The following EIF2B2 variants were observed in gnomAD, a reference collection of about 807,000 sequenced individuals.
The protein encoded by EIF2B2 is translation initiation factor eIF2B subunit beta.
Under a neutral mutation model 34.7 loss-of-function variants are expected in EIF2B2, and 34 were observed. The ratio of observed to expected loss-of-function variants is 0.98; its 90% CI spans 0.75 to 1.31. The LOEUF (loss-of-function observed/expected upper bound fraction) is 1.31. EIF2B2 is among the 50% of genes most tolerant of loss of function. The pLI, the probability that EIF2B2 is intolerant of heterozygous loss-of-function variation, is 0.00. For synonymous variants in EIF2B2, 155 were observed against 171.6 expected (o/e 0.90, Z 0.76); for missense variants, 361 against 447.7 (o/e 0.81, Z 1.75).
In EIF2B2 at chr14:75,006,402, TG is replaced by T; in HGVS notation, c.694-173del. The T allele has an allele frequency of 1.1e-6, 1 of 883,292 alleles. No individual in the cohort carries two copies. Among genetic ancestry groups the T allele is most frequent in the Non-Finnish European group, 1.7e-6 (1 of 584,596 alleles). The allele number at this position is 883,292 out of a possible 1,614,324, so 54.7% of individuals were successfully genotyped here. A position where few individuals can be genotyped will look rare whatever the true frequency, so the allele number is the denominator to read the frequency against. Reference sequence around the variant, plus strand: ...TCCCATTTTACATTCATTCTTTCCTTGGAAACCTACTTTTAAGCTAGAACTT... The same window carrying T: ...TCCCATTTTACATTCATTCTTTCCTTGAAACCTACTTTTAAGCTAGAACTT... On this transcript the variant is annotated intron_variant, in intron 5 of 7. Coordinates refer to ENST00000266126, the MANE Select transcript of EIF2B2 (RefSeq NM_014239.4). This position sits in a 1 kb window ranked among gnomAD's most constrained non-coding sequence, Gnocchi z 4.1.
chr14:75,003,521 C>T (rs1242709568), intron 2 of EIF2B2, 30 bp from the exon 3 acceptor site: 5 of 1,614,078 alleles, frequency 3.1e-6, no homozygotes, highest in Admixed American at 1.7e-5. Flanking sequence ...TCCTCCCCAC[C>T]TCTCTCTTTG....
At position 75,009,139 on chromosome 14, in the gene EIF2B2, T is replaced by TCTA; in HGVS notation, c.1009_1011dup (p.Tyr337dup). 1 of 1,614,140 alleles carries TCTA rather than the reference T, an allele frequency of 6.2e-7. No homozygotes were observed. The highest frequency in any genetic ancestry group is 8.5e-7 in the Non-Finnish European group (1 of 1,180,024). On this transcript the variant is annotated inframe_insertion, in exon 8 of 8. Coordinates refer to ENST00000266126, the MANE Select transcript of EIF2B2 (RefSeq NM_014239.4). ...ATTGGTGGGAATGCACCTTCCTACA[T>TCTA]CTACCGCCTGATGAGTGAACTCTAC...
At position 75,003,634 on chromosome 14, in the gene EIF2B2, G is replaced by C. The variant is rs1426578324; in HGVS notation, c.368G>C (p.Ser123Thr). 1.2e-6 allele frequency: 2 copies of C among 1,614,186 alleles called. No homozygotes were observed. The highest frequency in any genetic ancestry group is 1.7e-5 in the Admixed American group (1 of 60,020). Residue 123 changes from serine (S) to threonine (T), a missense_variant, in exon 3 of 8, where the codon AGC becomes ACC. By Grantham distance (58) the Ser-to-Thr change is moderately conservative (BLOSUM62 1). Coordinates refer to ENST00000266126, the MANE Select transcript of EIF2B2 (RefSeq NM_014239.4). The part of the protein sequence containing the change: ...LTSGGLNEDF[S>T]FHYAQLQSNI... Reference sequence around the variant, plus strand: ...TCCGGAGGCCTAAACGAGGATTTCAGCTTCCATTATGCCCAACTCCAGTCC... The same window carrying C: ...TCCGGAGGCCTAAACGAGGATTTCACCTTCCATTATGCCCAACTCCAGTCC...
chr14:75,003,552 C>G lies in EIF2B2; in HGVS notation c.286C>G (p.Leu96Val). Reference protein sequence around the residue: ...LKIIREEYGRLHGRSDESDQQ... With the variant: ...LKIIREEYGRVHGRSDESDQQ... ...CTTTGGGTCTTGTTGCCTCTATAGA[C>G]TCCATGGACGCAGCGACGAGAGTGA... The change falls in exon 3 of 8, where the codon CTC becomes GTC. Residue 96 changes from leucine (L) to valine (V), a missense_variant and splice_region_variant. By Grantham distance (32) the Leu-to-Val change is conservative. Coordinates refer to ENST00000266126, the MANE Select transcript of EIF2B2 (RefSeq NM_014239.4). 6.2e-7 allele frequency: 1 copy of G among 1,614,170 alleles called. No individual in the cohort carries two copies. The highest frequency in any genetic ancestry group is 8.5e-7 in the Non-Finnish European group (1 of 1,180,032).
rs775335483 is a variant in EIF2B2, at chr14:75,003,537, T to C, written c.285-14T>C. 3 of 1,614,146 alleles carry C rather than the reference T, an allele frequency of 1.9e-6. No individual in the cohort carries two copies. Among genetic ancestry groups the C allele is most frequent in the Admixed American group, 1.7e-5 (1 of 60,008 alleles). On this transcript the variant is annotated splice_polypyrimidine_tract_variant and intron_variant, in intron 2 of 7. Coordinates refer to ENST00000266126, the MANE Select transcript of EIF2B2 (RefSeq NM_014239.4). ...CCTCCCCACCTCTCTCTTTGGGTCT[T>C]GTTGCCTCTATAGACTCCATGGACG...
chr14:75,009,209 C>T lies in EIF2B2; in HGVS notation c.*21C>T. 1 of 1,613,726 alleles carries T rather than the reference C, an allele frequency of 6.2e-7. No individual in the cohort carries two copies. The highest frequency in any genetic ancestry group is 1.1e-5 in the South Asian group (1 of 91,062). ...TATGACCGACCACACGTGTCCTAAG[C>T]AGATTGCTTAGGCAGATACAGAATG... On this transcript the variant is annotated 3_prime_UTR_variant, in exon 8 of 8. Coordinates refer to ENST00000266126, the MANE Select transcript of EIF2B2 (RefSeq NM_014239.4).
chr14:75,006,648 A>G lies in EIF2B2; in HGVS notation c.765A>G (p.Ala255=), dbSNP rs1237802411. 2 of 1,614,068 alleles carry G rather than the reference A, an allele frequency of 1.2e-6. No individual in the cohort carries two copies. Among genetic ancestry groups the G allele is most frequent in the Non-Finnish European group, 1.7e-6 (2 of 1,180,038 alleles). The part of the protein sequence containing the change: ...LRAVTGTHTL[A]LAAKHHSTPL... Reference sequence around the variant, plus strand: ...CTGTGACAGGAACTCACACTCTGGCACTGGCAGCAAAACACCATTCCACCC... The same window carrying G: ...CTGTGACAGGAACTCACACTCTGGCGCTGGCAGCAAAACACCATTCCACCC... The change falls in exon 6 of 8, where the codon GCA becomes GCG. Residue 255 remains alanine, a synonymous_variant. Coordinates refer to ENST00000266126, the MANE Select transcript of EIF2B2 (RefSeq NM_014239.4). This position sits in a 1 kb window ranked among gnomAD's most constrained non-coding sequence, Gnocchi z 4.1.
rs568097024 is a variant in EIF2B2, at chr14:75,012,082, C to T, written c.*2894C>T. 2.0e-5 allele frequency: 3 copies of T among 152,230 alleles called. No homozygotes were observed. Among genetic ancestry groups the T allele is most frequent in the African/African-American group, 7.2e-5 (3 of 41,530 alleles). The allele number at this position is 152,230 out of a possible 1,614,324, so 9.4% of individuals were successfully genotyped here. ...AGTAAACCCTATTAAGGCTCATCTT[C>T]TTATTTCCCCTCTCTCCGTTTCCCT... On this transcript the variant is annotated 3_prime_UTR_variant, in exon 8 of 8. Transcript: ENST00000266126.
intron 4 of EIF2B2, 127 bp from the exon 5 acceptor site, chr14:75,005,739 T>A (rs1315318941): frequency 5.2e-6 from 4 of 774,028 alleles, no homozygotes; most frequent in African/African-American, 5.1e-5. Flanking sequence ...AAAAATGAGT[T>A]ATCTATTGGA....
chr14:75,004,724 AC>A lies in EIF2B2; in HGVS notation c.434-11del, dbSNP rs750034821. 2.8e-5 allele frequency: 24 copies of A among 842,186 alleles called. No individual in the cohort carries two copies. In the East Asian group the frequency reaches 7.5e-4, roughly 26 times the overall value. The allele number at this position is 842,186 out of a possible 1,614,324, so 52.2% of individuals were successfully genotyped here. A position where few individuals can be genotyped will look rare whatever the true frequency, so the allele number is the denominator to read the frequency against. On this transcript the variant is annotated splice_polypyrimidine_tract_variant and intron_variant, in intron 3 of 7. Coordinates refer to ENST00000266126, the MANE Select transcript of EIF2B2 (RefSeq NM_014239.4). The stretch of plus-strand genomic sequence containing the variant: ...TTTTTTTTTTTTTTTTTTTTGCAAA[AC>A]CGTTCTTACAGAAGGGACAATGGAG...
In EIF2B2 at chr14:75,009,214, T is replaced by C; in HGVS notation, c.*26T>C. On this transcript the variant is annotated 3_prime_UTR_variant, in exon 8 of 8. Coordinates refer to ENST00000266126, the MANE Select transcript of EIF2B2 (RefSeq NM_014239.4). ...CCGACCACACGTGTCCTAAGCAGAT[T>C]GCTTAGGCAGATACAGAATGAAGAG... 1 of 1,613,684 alleles carries C rather than the reference T, an allele frequency of 6.2e-7. No individual in the cohort carries two copies. The highest frequency in any genetic ancestry group is 1.3e-5 in the African/African-American group (1 of 75,030).
intron 4 of EIF2B2, 97 bp downstream of exon 4, chr14:75,004,997 C>A: frequency 1.5e-6 from 2 of 1,302,918 alleles, no homozygotes; most frequent in Non-Finnish European, 2.2e-6. Context: ...AATTGATAAG[C>A]AAGACTTTGA....
chr14:75,006,506 C>G lies in EIF2B2; in HGVS notation c.694-71C>G, dbSNP rs1329072838. On this transcript the variant is annotated intron_variant, in intron 5 of 7. Coordinates refer to ENST00000266126, the MANE Select transcript of EIF2B2 (RefSeq NM_014239.4). The surrounding 1 kb of genome is among the most constrained non-coding windows in gnomAD (Gnocchi z 4.1). ...CCAATTCTGAGGTCTAAGCATTTAG[C>G]TTTTTGTGGCCAGTGGCCCTTTTAG... 1 of 1,603,416 alleles carries G rather than the reference C, an allele frequency of 6.2e-7. No homozygotes were observed. Among genetic ancestry groups the G allele is most frequent in the Non-Finnish European group, 8.5e-7 (1 of 1,178,472 alleles).
At chr14:75,004,687 ATATTTTTTTTTTTTTTT>A (rs1889595502) in intron 3 of EIF2B2, 33 bp from the exon 4 acceptor site, 2 of 107,436 alleles carry the variant, frequency 1.9e-5, no homozygotes, top group East Asian at 3.5e-4. Context: ...ATATATATAT[ATATTTTTTTTTTTTTTT>A]TTTTTTTTTT....
rs200594436 is a variant in EIF2B2, at chr14:75,006,608, A to G, written c.725A>G (p.Asn242Ser). ...ATTGGCACGAAGACCATCCTGGCCAATGGGGCCCTGAGAGCTGTGACAGGA... is the reference window on the plus strand; with the variant it reads ...ATTGGCACGAAGACCATCCTGGCCAGTGGGGCCCTGAGAGCTGTGACAGGA... ...VIIGTKTILA[N>S]GALRAVTGTH... The change falls in exon 6 of 8, where the codon AAT (asparagine) becomes AGT (serine). Residue 242 changes from asparagine to serine, a missense_variant. Asn to Ser is a conservative substitution (Grantham distance 46, BLOSUM62 1). Coordinates refer to ENST00000266126, the MANE Select transcript of EIF2B2 (RefSeq NM_014239.4). The surrounding 1 kb of genome is among the most constrained non-coding windows in gnomAD (Gnocchi z 4.1). 1.9e-6 allele frequency: 3 copies of G among 1,614,170 alleles called. No homozygotes were observed. The highest frequency in any genetic ancestry group is 2.2e-5 in the East Asian group (1 of 44,882).
intron 3 of EIF2B2, among the ~76,000 whole-genome samples, chr14:75,004,474 TGAGACCAG>T (rs33926975): frequency 0.52 from 79,046 of 150,644 alleles, 21,355 homozygotes; most frequent in East Asian, 0.84. Flanking sequence ...GTGGATTGCT[TGAGACCAG>T]GAGTTCAAAA....
Position 75,006,908 on chromosome 14 carries a change from G to T in EIF2B2, c.831+194G>T, listed in dbSNP as rs1023603960. The T allele has an allele frequency of 1.2e-6, 1 of 843,512 alleles. No individual in the cohort carries two copies. Among genetic ancestry groups the T allele is most frequent in the African/African-American group, 1.7e-5 (1 of 60,098 alleles). 52.3% of individuals were successfully genotyped at this position (843,512 alleles called of 1,614,324 possible). A position where few individuals can be genotyped will look rare whatever the true frequency, so the allele number is the denominator to read the frequency against. ...GTAAAACAGTTGAGAGTTCTCAGCT[G>T]TCAACTTTAGGAAGTCAAGATTGTA... On this transcript the variant is annotated intron_variant, in intron 6 of 7. Transcript: ENST00000266126. This position sits in a 1 kb window ranked among gnomAD's most constrained non-coding sequence, Gnocchi z 4.1.
intron 7 of EIF2B2, 116 bp from the exon 8 acceptor site, chr14:75,008,915 C>A: frequency 7.2e-7 from 1 of 1,391,346 alleles, no homozygotes; most frequent in South Asian, 1.2e-5. Flanking sequence ...TTTTCCATAG[C>A]TTCCCGTCCT....
Position 75,004,718 on chromosome 14 carries a change from T to TTTTTTTTTGAAAAAA in EIF2B2, c.434-19_434-18insTTTTTTTTGAAAAAA. 1 of 1,133,748 alleles carries TTTTTTTTTGAAAAAA rather than the reference T, an allele frequency of 8.8e-7. No individual in the cohort carries two copies. 70.2% of individuals were successfully genotyped at this position (1,133,748 alleles called of 1,614,324 possible). A position where few individuals can be genotyped will look rare whatever the true frequency, so the allele number is the denominator to read the frequency against. Reference sequence around the variant, plus strand: ...TTTTTTTTTTTTTTTTTTTTTTTTTTGCAAAACCGTTCTTACAGAAGGGAC... The same window carrying TTTTTTTTTGAAAAAA: ...TTTTTTTTTTTTTTTTTTTTTTTTTTTTTTTTTTGAAAAAAGCAAAACCGTTCTTACAGAAGGGAC... On this transcript the variant is annotated intron_variant, in intron 3 of 7. Coordinates refer to ENST00000266126, the MANE Select transcript of EIF2B2 (RefSeq NM_014239.4).
Sources: allele counts gnomAD v4.1 joint callset (sites outside exome capture counted in the v4.1 genomes callset), GRCh38; gene constraint gnomAD v4.1.1; non-coding constraint Gnocchi (gnomAD v3.1); transcripts MANE v1.5; gene names NCBI Gene and HGNC (gene_info 2026-07-23, HGNC 2026-07-21).